LRRC4C: variants seen among roughly 807,000 people sequenced by gnomAD.
The protein encoded by LRRC4C is leucine rich repeat containing 4C.
In LRRC4C, 5 loss-of-function variants were observed where a neutral mutation model predicts 33.6. The ratio of observed to expected loss-of-function variants is 0.15; its 90% CI spans 0.08 to 0.31. LRRC4C has a LOEUF of 0.31. LRRC4C is among the 10% of genes least tolerant of loss of function. LRRC4C has a pLI of 1.00. For synonymous variants in LRRC4C, 329 were observed against 302.0 expected, an observed-to-expected ratio of 1.09 and a Z score of -0.93; for missense variants, 560 against 796.7, an observed-to-expected ratio of 0.70 and a Z score of 3.58.
intron 2 of LRRC4C, among the ~76,000 whole-genome samples, chr11:40,665,308 TAAAAA>T (rs55827045): frequency 0.041 from 1,753 of 43,230 alleles, 122 homozygotes; most frequent in African/African-American, 0.13. Flanking sequence ...ATTGCTTTCT[TAAAAA>T]AAAAAAAAAA....
intron 4 of LRRC4C, among the ~76,000 whole-genome samples, chr11:40,242,932 A>G (rs951259837): frequency 1.2e-4 from 19 of 152,208 alleles, no homozygotes; most frequent in African/African-American, 4.6e-4. Context: ...GAATGAGAAG[A>G]GTAAAAATAA....
chr11:40,795,275 T>C (rs1371986809), intron 2 of LRRC4C, among the ~76,000 whole-genome samples: 3 of 152,168 alleles, frequency 2.0e-5, no homozygotes, highest in Non-Finnish European at 4.4e-5. Flanking sequence ...ACGCCTGTAA[T>C]CCTAGCACTT....
At chr11:41,072,691 C>T (rs185299263) in intron 1 of LRRC4C, among the ~76,000 whole-genome samples, 11 of 152,168 alleles carry the variant, frequency 7.2e-5, no homozygotes, top group South Asian at 6.2e-4. Context: ...ATATGAGAAA[C>T]GACTAATACA....
At chr11:40,380,821 G>C (rs536241951) in intron 3 of LRRC4C, among the ~76,000 whole-genome samples, 28 of 152,286 alleles carry the variant, frequency 1.8e-4, no homozygotes, top group South Asian at 1.0e-3. Context: ...GCTGTGAACA[G>C]AAAGCATGCT....
intron 3 of LRRC4C, among the ~76,000 whole-genome samples, chr11:40,486,685 C>A (rs116358679): frequency 0.014 from 2,074 of 152,104 alleles, 49 homozygotes; most frequent in African/African-American, 0.047. Context: ...ACACATACAA[C>A]TTATTTCCAA....
At chr11:40,346,563 G>A (rs1947139428) in intron 3 of LRRC4C, among the ~76,000 whole-genome samples, 1 of 152,194 alleles carries the variant, frequency 6.6e-6, no homozygotes, top group African/African-American at 2.4e-5. Context: ...CTGGAAGGTA[G>A]GAGGAGGGAG....
intron 1 of LRRC4C, among the ~76,000 whole-genome samples, chr11:41,336,241 C>A (rs61877316): frequency 6.6e-6 from 1 of 150,888 alleles, no homozygotes; most frequent in Non-Finnish European, 1.5e-5. Flanking sequence ...TATAGACTTT[C>A]CTTTTTTTTT....
chr11:41,074,094 T>G (rs1938923888), intron 1 of LRRC4C, among the ~76,000 whole-genome samples: 1 of 152,202 alleles, frequency 6.6e-6, no homozygotes, highest in Non-Finnish European at 1.5e-5. Context: ...TCTGTCATAA[T>G]AATCATCGAT....
intron 1 of LRRC4C, among the ~76,000 whole-genome samples, chr11:40,968,563 G>A (rs1015605364): frequency 3.3e-5 from 5 of 151,966 alleles, no homozygotes; most frequent in African/African-American, 7.3e-5. Context: ...CTCCTATTAG[G>A]GGCCAATAAA....
chr11:40,604,068 C>T (rs1400279647), intron 3 of LRRC4C, among the ~76,000 whole-genome samples: 1 of 152,050 alleles, frequency 6.6e-6, no homozygotes, highest in African/African-American at 2.4e-5. Context: ...CATACAAACA[C>T]ATACAGATAG....
At chr11:40,568,225 T>C (rs11035931) in intron 3 of LRRC4C, among the ~76,000 whole-genome samples, 21,950 of 152,248 alleles carry the variant, frequency 0.14, 1,969 homozygotes, top group Admixed American at 0.22. Context: ...AGTGCCATGC[T>C]GTGAGAACCC....
intron 1 of LRRC4C, among the ~76,000 whole-genome samples, chr11:41,281,255 T>A (rs1337487026): frequency 6.6e-6 from 1 of 151,982 alleles, no homozygotes; most frequent in Non-Finnish European, 1.5e-5. Flanking sequence ...CTTCTCTGAG[T>A]CATCAGGTTT....
At chr11:41,287,289 A>AT (rs963792547) in intron 1 of LRRC4C, among the ~76,000 whole-genome samples, 15 of 152,152 alleles carry the variant, frequency 9.9e-5, no homozygotes, top group African/African-American at 2.2e-4. Flanking sequence ...TTAGTGTATC[A>AT]TTTTTTATGT....
At chr11:40,482,667 G>T (rs542339672) in intron 3 of LRRC4C, among the ~76,000 whole-genome samples, 2 of 152,022 alleles carry the variant, frequency 1.3e-5, no homozygotes, top group South Asian at 2.1e-4. Flanking sequence ...ATGGGGTTTT[G>T]CTGTGTTGCC....
intron 1 of LRRC4C, among the ~76,000 whole-genome samples, chr11:41,384,757 A>T (rs1169099970): frequency 1.3e-5 from 2 of 150,630 alleles, no homozygotes; most frequent in East Asian, 4.1e-4. Context: ...TTATTTATCC[A>T]TTGGCATTGT....
At chr11:40,647,482 T>A (rs889978554) in intron 3 of LRRC4C, among the ~76,000 whole-genome samples, 2 of 152,162 alleles carry the variant, frequency 1.3e-5, no homozygotes, top group Admixed American at 6.5e-5. Context: ...AATTATTAAC[T>A]ACAGAGGATG....
intron 2 of LRRC4C, among the ~76,000 whole-genome samples, chr11:40,877,998 T>A (rs1371761826): frequency 1.3e-5 from 2 of 152,266 alleles, no homozygotes; most frequent in East Asian, 3.9e-4. Flanking sequence ...CCTAGAGTCT[T>A]CTGCTATCTC....
chr11:41,440,344 A>T (rs914895662), intron 1 of LRRC4C, among the ~76,000 whole-genome samples: 3 of 152,194 alleles, frequency 2.0e-5, no homozygotes, highest in Non-Finnish European at 4.4e-5. Flanking sequence ...CTGACATGGC[A>T]TAATCTAATG....
intron 1 of LRRC4C, among the ~76,000 whole-genome samples, chr11:41,018,481 G>C (rs1049514490): frequency 6.6e-6 from 1 of 152,252 alleles, no homozygotes; most frequent in Middle Eastern, 3.4e-3. Flanking sequence ...CTTACAACTC[G>C]TAATAGGACA....
Sources: allele counts gnomAD v4.1 joint callset (sites outside exome capture counted in the v4.1 genomes callset), GRCh38; gene constraint gnomAD v4.1.1; transcripts MANE v1.5; gene names NCBI Gene and HGNC (gene_info 2026-07-23, HGNC 2026-07-21).